The following WWOX variants were observed in gnomAD, a reference collection of about 807,000 sequenced individuals.
The protein encoded by WWOX is WW domain containing oxidoreductase, also known as WW domain-containing oxidoreductase.
WWOX carries 69 observed loss-of-function variants against 46.2 expected under a neutral mutation model. That is an observed-to-expected ratio of 1.49 (90% confidence interval 1.23 to 1.82). WWOX has a LOEUF of 1.82. WWOX is among the 40% of genes most tolerant of loss of function. The pLI is 0.00. For missense variants in WWOX, 919 were observed against 542.6 expected, an observed-to-expected ratio of 1.69 and a Z score of -6.89; for synonymous variants, 359 against 202.6, an observed-to-expected ratio of 1.77 and a Z score of -6.56.
chr16:78,212,587 A>G (rs2036591615), intron 5 of WWOX, among the ~76,000 whole-genome samples: 1 of 152,202 alleles, frequency 6.6e-6, no homozygotes, highest in African/African-American at 2.4e-5. Context: ...CCTTCATGAC[A>G]AGGTGGTGAG....
At chr16:78,934,193 C>A (rs2045685568) in intron 8 of WWOX, among the ~76,000 whole-genome samples, 1 of 151,690 alleles carries the variant, frequency 6.6e-6, no homozygotes, top group South Asian at 2.1e-4. Flanking sequence ...AAGAAATTAG[C>A]CTGACATGGT....
At chr16:78,997,172 G>C (rs1017587100) in intron 8 of WWOX, among the ~76,000 whole-genome samples, 4 of 150,984 alleles carry the variant, frequency 2.6e-5, no homozygotes, top group African/African-American at 9.8e-5. Context: ...TATTTTCCGG[G>C]GGAAGAGGAG....
chr16:79,059,769 T>TA (rs1359383497), intron 8 of WWOX, among the ~76,000 whole-genome samples: 1 of 152,210 alleles, frequency 6.6e-6, no homozygotes, highest in Non-Finnish European at 1.5e-5. Context: ...TTGAAACATT[T>TA]AAAAAAGTTG....
intron 8 of WWOX, among the ~76,000 whole-genome samples, chr16:78,578,070 C>G (rs2044934715): frequency 6.6e-6 from 1 of 151,554 alleles, no homozygotes; most frequent in South Asian, 2.1e-4. Flanking sequence ...GGGAACATCA[C>G]TAGCCACCTG....
chr16:78,719,421 G>A (rs1206184921), intron 8 of WWOX, among the ~76,000 whole-genome samples: 1 of 152,230 alleles, frequency 6.6e-6, no homozygotes, highest in Non-Finnish European at 1.5e-5. Flanking sequence ...TGCCTTACAG[G>A]CATGCACAAT....
rs574218503 is a variant in WWOX at position 78,151,354 on chromosome 16, C to A, written c.410-12829C>A. 1.1e-4 allele frequency among the ~76,000 whole-genome samples: 17 copies of A among 152,232 alleles called. No individual in the cohort carries two copies. In the East Asian group the frequency reaches 3.1e-3, roughly 28 times the overall value. On this transcript the variant is annotated intron_variant, in intron 4 of 8. Coordinates refer to ENST00000566780, the MANE Select transcript of WWOX (RefSeq NM_016373.4). ...GCTACCATGCCCATTGGGGTCCTCC[C>A]CCTTTTTTGCCCTCTGATCTTGTGA... is the stretch of plus-strand genomic sequence containing the variant.
intron 6 of WWOX, among the ~76,000 whole-genome samples, chr16:78,412,964 T>A (rs1165273961): frequency 6.6e-6 from 1 of 152,198 alleles, no homozygotes; most frequent in Admixed American, 6.5e-5. Context: ...ATTTCTTTCC[T>A]TCTGTTCTGA....
rs775585652 is a variant in WWOX at position 78,432,576 on chromosome 16, A to G, written c.880A>G (p.Asn294Asp). 7 of 1,614,070 alleles carry G rather than the reference A, an allele frequency of 4.3e-6. No homozygotes were observed. Among genetic ancestry groups the G allele is most frequent in the Admixed American group, 3.3e-5 (2 of 60,008 alleles). Residue 294 changes from asparagine (N) to aspartate (D), a missense_variant, in exon 8 of 9, where the codon AAC becomes GAC. By Grantham distance (23) the Asn-to-Asp change is conservative. Transcript: ENST00000566780. ...CGACTATTGGGCGATGCTGGCTTAT[A>G]ACAGGTCCAAGCTCTGCAACATCCT... Reference protein sequence around the residue: ...KNDYWAMLAYNRSKLCNILFS... With the variant: ...KNDYWAMLAYDRSKLCNILFS...
At chr16:78,618,524 T>C (rs545149805) in intron 8 of WWOX, among the ~76,000 whole-genome samples, 3 of 152,154 alleles carry the variant, frequency 2.0e-5, no homozygotes, top group Non-Finnish European at 4.4e-5. Context: ...GGGTCCACCA[T>C]ATAATGACTT....
chr16:78,827,704 G>A (rs1363280498), intron 8 of WWOX, among the ~76,000 whole-genome samples: 1 of 151,988 alleles, frequency 6.6e-6, no homozygotes, highest in African/African-American at 2.4e-5. Flanking sequence ...AGCCAGGCAT[G>A]GTGGTGCATG....
intron 8 of WWOX, among the ~76,000 whole-genome samples, chr16:79,155,152 C>G (rs112220047): frequency 6.6e-6 from 1 of 151,996 alleles, no homozygotes; most frequent in African/African-American, 2.4e-5. Context: ...CCGAGGCAGG[C>G]AGATCATGAA....
Position 79,053,172 on chromosome 16 carries a change from G to A in WWOX, c.1057-158436G>A, listed in dbSNP as rs748884867. Among the ~76,000 whole-genome samples, 8 of 152,170 alleles carry A rather than the reference G, an allele frequency of 5.3e-5. No individual in the cohort carries two copies. The South Asian group carries it at 8.3e-4, about 16-fold the overall frequency. The stretch of plus-strand genomic sequence containing the variant: ...TTTTAGGAAGAAACAACTGGATTGC[G>A]TTTTCTATTTTATTGACAGAAACTA... On this transcript the variant is annotated intron_variant, in intron 8 of 8. Transcript: ENST00000566780.
chr16:78,327,243 G>A (rs772093713), intron 5 of WWOX, among the ~76,000 whole-genome samples: 31 of 152,144 alleles, frequency 2.0e-4, no homozygotes, highest in Non-Finnish European at 8.8e-5. Flanking sequence ...GTGTCATATC[G>A]GGAAAGAAAT....
At chr16:78,414,871 G>A (rs559926261) in intron 6 of WWOX, among the ~76,000 whole-genome samples, 24 of 152,136 alleles carry the variant, frequency 1.6e-4, no homozygotes, top group African/African-American at 4.8e-4. Context: ...ACCAGTTACC[G>A]GAAACGGGTC....
At chr16:78,323,011 C>T (rs1008949317) in intron 5 of WWOX, among the ~76,000 whole-genome samples, 3 of 152,160 alleles carry the variant, frequency 2.0e-5, no homozygotes, top group Non-Finnish European at 2.9e-5. Context: ...CATTGCACTC[C>T]AGCCTGGGTG....
intron 8 of WWOX, among the ~76,000 whole-genome samples, chr16:78,730,599 A>G: frequency 6.8e-6 from 1 of 147,178 alleles, no homozygotes; most frequent in East Asian, 2.0e-4. Flanking sequence ...CCACAGGTGC[A>G]TGCCACCACG....
At chr16:78,698,727 T>C (rs536009760) in intron 8 of WWOX, among the ~76,000 whole-genome samples, 30 of 152,232 alleles carry the variant, frequency 2.0e-4, no homozygotes, top group Middle Eastern at 3.4e-3. Flanking sequence ...TGTAGTCCCA[T>C]CTACTAAGGA....
chr16:78,783,591 G>A (rs2050381554), intron 8 of WWOX, among the ~76,000 whole-genome samples: 1 of 152,316 alleles, frequency 6.6e-6, no homozygotes, highest in Admixed American at 6.5e-5. Context: ...CCTTTGGGAA[G>A]GAGAGGAAGG....
intron 8 of WWOX, among the ~76,000 whole-genome samples, chr16:78,879,447 A>G (rs2044297841): frequency 6.6e-6 from 1 of 151,878 alleles, no homozygotes; most frequent in South Asian, 2.1e-4. Flanking sequence ...CTTTTTCAGG[A>G]TCTGCTCTCA....
Sources: allele counts gnomAD v4.1 joint callset (sites outside exome capture counted in the v4.1 genomes callset), GRCh38; gene constraint gnomAD v4.1.1; transcripts MANE v1.5; gene names NCBI Gene and HGNC (gene_info 2026-07-23, HGNC 2026-07-21).